MAP7: variants seen among roughly 807,000 people sequenced by gnomAD.
MAP7 encodes the protein ensconsin.
Under a neutral mutation model 94.8 loss-of-function variants are expected in MAP7, and 52 were observed. The ratio of observed to expected loss-of-function variants is 0.55; its 90% confidence interval spans 0.44 to 0.69. MAP7 has a LOEUF of 0.69. Ranked by LOEUF, MAP7 falls within the 30% of genes least tolerant of loss-of-function variation. The probability of loss-of-function intolerance (pLI) is 0.00; values close to 1 mark genes in which losing one functional copy is unlikely to be tolerated. For missense variants in MAP7, 940 were observed against 964.6 expected (o/e 0.97, Z 0.34); for synonymous variants, 350 against 357.0 (o/e 0.98, Z 0.22).
rs114252794 is a variant in MAP7 at position 136,484,395 on chromosome 6, C to T, written c.68-62596G>A. On this transcript the variant is annotated intron_variant, in intron 1 of 17. Coordinates refer to ENST00000354570, the MANE Select transcript of MAP7 (RefSeq NM_003980.6). ...CTTAGCATCATTATTGTTGTGACGG[C>T]CATTTGCAATGGAAGAAAAGAGTCC... Among the ~76,000 whole-genome samples the T allele has an allele frequency of 4.9e-3, 741 of 152,222 alleles. 6 individuals are homozygous for T. The highest frequency in any genetic ancestry group is 0.017 in the African/African-American group (711 of 41,518).
chr6:136,521,441 A>G (rs1826379720), intron 1 of MAP7, among the ~76,000 whole-genome samples: 1 of 152,192 alleles, frequency 6.6e-6, no homozygotes, highest in Non-Finnish European at 1.5e-5. Flanking sequence ...GAGGGAGATG[A>G]TAATTTTGAT....
chr6:136,500,785 A>C (rs3799445), intron 1 of MAP7, among the ~76,000 whole-genome samples: 11,730 of 152,244 alleles, frequency 0.077, 971 homozygotes, highest in African/African-American at 0.21. Context: ...CTAATTTTTT[A>C]TTTTAAGAAG....
At chr6:136,529,916 C>T (rs1262175715) in intron 1 of MAP7, among the ~76,000 whole-genome samples, 1 of 152,156 alleles carries the variant, frequency 6.6e-6, no homozygotes, top group East Asian at 1.9e-4. Flanking sequence ...GAAACAGAGT[C>T]AAACTTGCTG....
chr6:136,411,839 A>G (rs868553264), intron 2 of MAP7, 142 bp from the exon 3 acceptor site: 3 of 629,364 alleles, frequency 4.8e-6, no homozygotes, highest in African/African-American at 3.7e-5. Context: ...ACATGTGACT[A>G]GAGTTACAGT....
chr6:136,388,403 G>T lies in MAP7; in HGVS notation c.516C>A (p.Ile172=), dbSNP rs760334835. The change falls in exon 5 of 18, where the codon ATC becomes ATA. Residue 172 remains isoleucine (I), a synonymous_variant. Coordinates refer to ENST00000354570, the MANE Select transcript of MAP7 (RefSeq NM_003980.6). ...GTGGTCACTGTTTACCTGCACTGTG[G>T]ATGCTAGGGCTCCCATGGAGAGAGC... is the stretch of plus-strand genomic sequence containing the variant. The part of the protein sequence containing the change: ...WGGSLHGSPS[I]HSADPDRRSV... 6.2e-7 allele frequency: 1 copy of T among 1,613,452 alleles called. No homozygotes were observed. The highest frequency in any genetic ancestry group is 8.5e-7 in the Non-Finnish European group (1 of 1,179,576).
At chr6:136,531,728 T>C (rs889171499) in intron 1 of MAP7, among the ~76,000 whole-genome samples, 4 of 122,236 alleles carry the variant, frequency 3.3e-5, no homozygotes. Flanking sequence ...GAATCAATCA[T>C]GTTTGTGTTT....
intron 1 of MAP7, among the ~76,000 whole-genome samples, chr6:136,462,236 C>A (rs1805481878): frequency 6.6e-6 from 1 of 150,894 alleles, no homozygotes; most frequent in Admixed American, 6.6e-5. Flanking sequence ...AGTTCAGAGA[C>A]TAGTCACTAA....
chr6:136,351,913 G>A (rs1319631769), intron 16 of MAP7, among the ~76,000 whole-genome samples: 2 of 152,156 alleles, frequency 1.3e-5, no homozygotes, highest in Admixed American at 1.3e-4. Flanking sequence ...GGCTCCTGCA[G>A]TGCACAGTGG....
intron 1 of MAP7, among the ~76,000 whole-genome samples, chr6:136,472,902 A>G (rs953023082): frequency 1.3e-5 from 2 of 152,172 alleles, no homozygotes; most frequent in Non-Finnish European, 2.9e-5. Context: ...CCCCTGCTCA[A>G]ATCATATCTT....
At chr6:136,414,108 C>T (rs1788438290) in intron 2 of MAP7, among the ~76,000 whole-genome samples, 1 of 151,200 alleles carries the variant, frequency 6.6e-6, no homozygotes, top group Non-Finnish European at 1.5e-5. Context: ...AAAAAATTAG[C>T]CGGGCGTGGT....
In MAP7 at chr6:136,537,830, C is replaced by T. The variant is rs186027611; in HGVS notation, c.67+12512G>A. Among the ~76,000 whole-genome samples the T allele has an allele frequency of 2.1e-3, 317 of 151,696 alleles. 4 individuals carry two copies. Among genetic ancestry groups the T allele is most frequent in the Middle Eastern group, 6.8e-3 (2 of 294 alleles). On this transcript the variant is annotated intron_variant, in intron 1 of 17. Transcript: ENST00000354570. ...GAGATGGAGTTTCGCTTTTGTTGCCCAGGCTGGAGTGCAATGGCACAATCT... is the reference window on the plus strand; with the variant it reads ...GAGATGGAGTTTCGCTTTTGTTGCCTAGGCTGGAGTGCAATGGCACAATCT...
intron 2 of MAP7, chr6:136,420,547 C>T (rs1016116575): frequency 4.7e-5 from 11 of 234,300 alleles, no homozygotes; most frequent in Non-Finnish European, 8.4e-5. Flanking sequence ...TCATACAGTA[C>T]ATCTCTCATG....
At chr6:136,345,680 A>G (rs1474240234) in intron 17 of MAP7, 176 bp downstream of exon 17, 3 of 689,954 alleles carry the variant, frequency 4.3e-6, no homozygotes, top group Non-Finnish European at 5.2e-6. Context: ...GAAGTTGTCC[A>G]ATCCAACTCA....
chr6:136,535,931 G>T (rs1828850353), intron 1 of MAP7, among the ~76,000 whole-genome samples: 2 of 150,838 alleles, frequency 1.3e-5, no homozygotes, highest in African/African-American at 4.9e-5. Context: ...AGTGTGTGAT[G>T]TTCCCCTTCC....
intron 1 of MAP7, among the ~76,000 whole-genome samples, chr6:136,499,201 T>G (rs1052208240): frequency 2.8e-4 from 43 of 152,132 alleles, no homozygotes; most frequent in African/African-American, 1.0e-3. Context: ...ATTACAGGCA[T>G]AAGCCATCCT....
intron 1 of MAP7, among the ~76,000 whole-genome samples, chr6:136,507,735 T>G (rs950372395): frequency 3.3e-5 from 5 of 152,194 alleles, no homozygotes; most frequent in Non-Finnish European, 7.3e-5. Context: ...TTCTACCTAA[T>G]CTTTAATAAC....
At chr6:136,384,450 A>G (rs143836496) in intron 5 of MAP7, among the ~76,000 whole-genome samples, 15 of 152,302 alleles carry the variant, frequency 9.8e-5, no homozygotes, top group African/African-American at 3.6e-4. Context: ...CACATTCATG[A>G]ACAATAGCAT....
At position 136,443,832 on chromosome 6, in the gene MAP7, T is replaced by G. The variant is rs1051570754; in HGVS notation, c.68-22033A>C. On this transcript the variant is annotated intron_variant, in intron 1 of 17. Coordinates refer to ENST00000354570, the MANE Select transcript of MAP7 (RefSeq NM_003980.6). ...GTTAAGGGGGCTAAAACCTCTGAAG[T>G]GTCACTAAAGAAATGAGAGAATGCA... Among the ~76,000 whole-genome samples the G allele has an allele frequency of 7.2e-5, 11 of 152,250 alleles. No homozygotes were observed. In the South Asian group the frequency reaches 1.2e-3, roughly 17 times the overall value.
chr6:136,454,863 C>A (rs1802390982), intron 1 of MAP7, among the ~76,000 whole-genome samples: 1 of 151,978 alleles, frequency 6.6e-6, no homozygotes, highest in Non-Finnish European at 1.5e-5. Flanking sequence ...CATGCCACTG[C>A]ACACCTGCTT....
Sources: allele counts gnomAD v4.1 joint callset (sites outside exome capture counted in the v4.1 genomes callset), GRCh38; gene constraint gnomAD v4.1.1; transcripts MANE v1.5; gene names NCBI Gene and HGNC (gene_info 2026-07-23, HGNC 2026-07-21).